The following ADAR variants were observed in gnomAD, a reference collection of about 807,000 sequenced individuals.
ADAR encodes double-stranded RNA-specific adenosine deaminase.
A neutral mutation model predicts 113.2 loss-of-function variants in ADAR; 41 were observed. That is an observed-to-expected ratio of 0.36 (90% CI 0.28 to 0.47). ADAR has a LOEUF of 0.47. ADAR is among the 20% of genes least tolerant of loss of function. ADAR has a pLI of 1.00. For missense variants in ADAR, 1,242 were observed against 1,540.9 expected (o/e 0.81, Z 3.25); for synonymous variants, 605 against 572.6 (o/e 1.06, Z -0.81).
At chr1:154,589,069 A>T (rs1355504841) in intron 9 of ADAR, among the ~76,000 whole-genome samples, 1 of 152,228 alleles carries the variant, frequency 6.6e-6, no homozygotes, top group East Asian at 1.9e-4. Flanking sequence ...CCTCATCCTC[A>T]AGGCCCTGAG....
chr1:154,610,062 T>G (rs80230838), upstream of ADAR, among the ~76,000 whole-genome samples: 4,539 of 152,198 alleles, frequency 0.03, 230 homozygotes, highest in African/African-American at 0.1. Flanking sequence ...ATATCAAACA[T>G]ATGAAAAGGT....
intron 1 of ADAR, among the ~76,000 whole-genome samples, chr1:154,615,092 T>TCTCC (rs1437196730): frequency 1.3e-5 from 2 of 152,152 alleles, no homozygotes; most frequent in African/African-American, 4.8e-5. Flanking sequence ...AGGAATGGAT[T>TCTCC]CTCCCCTACA....
In ADAR at chr1:154,597,813, A is replaced by T; in HGVS notation, c.1934+15T>A. The T allele has an allele frequency of 1.2e-6, 2 of 1,614,116 alleles. No homozygotes were observed. The highest frequency in any genetic ancestry group is 1.7e-5 in the Admixed American group (1 of 60,022). ...TGAGAAAACCTCAGCTGGACAGAGG[A>T]CACGTAGGACATACTTGGGTTCATG... On this transcript the variant is annotated intron_variant, in intron 4 of 14. Transcript: ENST00000368474.
At chr1:154,603,590 T>A (rs1229714984) in intron 1 of ADAR, among the ~76,000 whole-genome samples, 1 of 152,066 alleles carries the variant, frequency 6.6e-6, no homozygotes, top group Non-Finnish European at 1.5e-5. Flanking sequence ...CATGTTCTCA[T>A]ATGCACATTT....
At chr1:154,622,885 G>C (rs951951583) in intron 1 of ADAR, among the ~76,000 whole-genome samples, 5 of 108,320 alleles carry the variant, frequency 4.6e-5, no homozygotes, top group Non-Finnish European at 7.8e-5. Flanking sequence ...CCTCAAGGTA[G>C]TTTTGTTTTG....
upstream of ADAR, chr1:154,608,315 A>G: frequency 2.2e-6 from 1 of 457,114 alleles, no homozygotes; most frequent in Non-Finnish European, 3.8e-6. Context: ...GCTGCATGAG[A>G]ACTACGGAAG....
intron 6 of ADAR, among the ~76,000 whole-genome samples, chr1:154,595,496 T>A: frequency 6.6e-6 from 1 of 151,636 alleles, no homozygotes; most frequent in South Asian, 2.1e-4. Context: ...CAAAAAAGTT[T>A]AAAAAGTTAA....
At chr1:154,609,428 C>T (rs1269585246), upstream of ADAR, among the ~76,000 whole-genome samples, 1 of 152,202 alleles carries the variant, frequency 6.6e-6, no homozygotes, top group East Asian at 1.9e-4. Context: ...CCCTTTATAG[C>T]AGTATCTCCA....
Position 154,597,914 on chromosome 1 carries a change from G to T in ADAR, c.1848C>A (p.Val616=). The T allele has an allele frequency of 6.2e-7, 1 of 1,614,180 alleles. No individual in the cohort carries two copies. The highest frequency in any genetic ancestry group is 8.5e-7 in the Non-Finnish European group (1 of 1,180,032). The change falls in exon 4 of 15, where the codon GTC becomes GTA. Residue 616 remains valine (V), a synonymous_variant. Coordinates refer to ENST00000368474, the MANE Select transcript of ADAR (RefSeq NM_001111.5). ...ATSFFSGKSP[V]TTLLECMHKL... is the part of the protein sequence containing the mutation. ...TGTGCATACACTCAAGCAGTGTGGT[G>T]ACGGGGCTCTTCCCAGAAAAGAAGG...
chr1:154,607,996 C>T lies in ADAR; in HGVS notation c.11G>A (p.Arg4Gln). 2 of 1,607,792 alleles carry T rather than the reference C, an allele frequency of 1.2e-6. No homozygotes were observed. The highest frequency in any genetic ancestry group is 1.7e-6 in the Non-Finnish European group (2 of 1,177,556). MNP[R>Q]QGYSLSGYYT... ...TCCAAGGCCGGCCCGGCTTACCTGCCGCGGATTCATTGCGCCCGCGAGGCA... is the reference window on the plus strand; with the variant it reads ...TCCAAGGCCGGCCCGGCTTACCTGCTGCGGATTCATTGCGCCCGCGAGGCA... The change falls in exon 1 of 15, where the codon CGG becomes CAG. Residue 4 changes from arginine to glutamine, a missense_variant. Transcript: ENST00000368474.
upstream of ADAR, among the ~76,000 whole-genome samples, chr1:154,609,982 A>C (rs934729455): frequency 6.6e-6 from 1 of 152,234 alleles, no homozygotes; most frequent in Non-Finnish European, 1.5e-5. Context: ...AGTTGAAAGA[A>C]TAACAGACCC....
At chr1:154,600,139 T>C (rs1013699916) in intron 2 of ADAR, 1 of 152,382 alleles carries the variant, frequency 6.6e-6, no homozygotes, top group African/African-American at 2.4e-5. Flanking sequence ...TATTGATGCA[T>C]GGAGATCAAT....
chr1:154,588,512 G>A, intron 10 of ADAR, 39 bp downstream of exon 10: 1 of 1,611,568 alleles, frequency 6.2e-7, no homozygotes, highest in Non-Finnish European at 8.5e-7. Context: ...CTAACAGCCT[G>A]GCAGGGCCCA....
chr1:154,617,545 T>C (rs1698667517), intron 1 of ADAR, among the ~76,000 whole-genome samples: 1 of 152,098 alleles, frequency 6.6e-6, no homozygotes, highest in South Asian at 2.1e-4. Context: ...CTATCATAAA[T>C]CAACAGCCAA....
upstream of ADAR, among the ~76,000 whole-genome samples, chr1:154,608,440 T>C (rs528662341): frequency 1.0e-4 from 15 of 146,876 alleles, no homozygotes; most frequent in African/African-American, 3.5e-4. Flanking sequence ...GCGATTCTCC[T>C]GCCTCAGCCT....
chr1:154,589,606 C>A, intron 8 of ADAR, 144 bp from the exon 9 acceptor site: 1 of 1,215,470 alleles, frequency 8.2e-7, no homozygotes, highest in Non-Finnish European at 1.2e-6. Flanking sequence ...CCTCTAGGAA[C>A]TAAGAACTCA....
chr1:154,596,609 A>T (rs916112365), intron 6 of ADAR, among the ~76,000 whole-genome samples, 196 bp downstream of exon 6: 1 of 152,178 alleles, frequency 6.6e-6, no homozygotes, highest in Non-Finnish European at 1.5e-5. Flanking sequence ...AAAAAGGATC[A>T]TGCTTACTGG....
upstream of ADAR, among the ~76,000 whole-genome samples, chr1:154,610,146 C>T (rs565274534): frequency 2.0e-5 from 3 of 152,286 alleles, no homozygotes; most frequent in Admixed American, 6.5e-5. Flanking sequence ...AGACAGACAG[C>T]ATTAGCCATC....
At chr1:154,592,167 T>C (rs1223075486) in intron 6 of ADAR, among the ~76,000 whole-genome samples, 1 of 152,200 alleles carries the variant, frequency 6.6e-6, no homozygotes, top group Non-Finnish European at 1.5e-5. Flanking sequence ...TTGCCAGCTC[T>C]GCGCTTCTCC....
Sources: allele counts gnomAD v4.1 joint callset (sites outside exome capture counted in the v4.1 genomes callset), GRCh38; gene constraint gnomAD v4.1.1; transcripts MANE v1.5; gene names NCBI Gene and HGNC (gene_info 2026-07-23, HGNC 2026-07-21).